BMPR2: variants seen among roughly 807,000 people sequenced by gnomAD.
BMPR2 encodes bone morphogenetic protein receptor type-2.
Under a neutral mutation model 100.8 loss-of-function variants are expected in BMPR2, and 29 were observed. The observed-to-expected ratio is 0.29, with a 90% CI of 0.21 to 0.39. The LOEUF is 0.39. BMPR2 is among the 10% of genes least tolerant of loss of function. The pLI is 1.00. For missense variants in BMPR2, 1,011 were observed against 1,274.5 expected, an observed-to-expected ratio of 0.79 and a Z score of 3.15; for synonymous variants, 382 against 442.3, an observed-to-expected ratio of 0.86 and a Z score of 1.71.
chr2:202,516,821 A>G (rs1161310194), intron 5 of BMPR2, among the ~76,000 whole-genome samples: 1 of 152,228 alleles, frequency 6.6e-6, no homozygotes, highest in East Asian at 1.9e-4. Flanking sequence ...TGAATTAACT[A>G]TATATTGATA....
intron 1 of BMPR2, among the ~76,000 whole-genome samples, chr2:202,422,041 T>C (rs752250218): frequency 6.6e-6 from 1 of 151,936 alleles, no homozygotes; most frequent in Non-Finnish European, 1.5e-5. Flanking sequence ...CCCAAGTAGC[T>C]GGGATAACAG....
chr2:202,393,336 A>G (rs368252817), intron 1 of BMPR2, among the ~76,000 whole-genome samples: 20 of 152,304 alleles, frequency 1.3e-4, no homozygotes, highest in East Asian at 1.2e-3. Context: ...CTGTCTTTCT[A>G]TCTCCACCCA....
chr2:202,528,620 G>T (rs997155645), intron 7 of BMPR2, among the ~76,000 whole-genome samples: 1 of 152,214 alleles, frequency 6.6e-6, no homozygotes, highest in East Asian at 1.9e-4. Flanking sequence ...TCTTAAATAT[G>T]CTCAGAACAC....
chr2:202,479,380 T>A (rs1692615207), intron 3 of BMPR2, among the ~76,000 whole-genome samples: 1 of 152,164 alleles, frequency 6.6e-6, no homozygotes, highest in African/African-American at 2.4e-5. Flanking sequence ...CTGATTACAG[T>A]CTTGTAAAAG....
At position 202,392,075 on chromosome 2, in the gene BMPR2, T is replaced by C. The variant is rs1325439968; in HGVS notation, c.76+14525T>C. Among the ~76,000 whole-genome samples the C allele has an allele frequency of 2.8e-5, 4 of 143,416 alleles. No homozygotes were observed. The East Asian group carries it at 8.0e-4, about 29-fold the overall frequency. The allele number at this position is 143,416 out of a possible 152,430, so 94.1% of individuals were successfully genotyped here. On this transcript the variant is annotated intron_variant, in intron 1 of 12. Coordinates refer to ENST00000374580, the MANE Select transcript of BMPR2 (RefSeq NM_001204.7). ...GCACCCAGCCTACAGTCTACACTCT[T>C]TTTTTTTTTTTTTGAAAGAAGTCTC...
chr2:202,405,841 AT>A (rs1304473026), intron 1 of BMPR2, among the ~76,000 whole-genome samples: 1 of 152,132 alleles, frequency 6.6e-6, no homozygotes, highest in Non-Finnish European at 1.5e-5. Flanking sequence ...AAAAATTAGA[AT>A]TTTAAATCAT....
intron 3 of BMPR2, among the ~76,000 whole-genome samples, chr2:202,497,745 T>C (rs948259739): frequency 2.0e-5 from 3 of 152,174 alleles, no homozygotes; most frequent in East Asian, 3.8e-4. Context: ...TCTCACCTCT[T>C]TTCTCTGAGG....
At chr2:202,475,525 A>G (rs1692529071) in intron 3 of BMPR2, among the ~76,000 whole-genome samples, 1 of 152,150 alleles carries the variant, frequency 6.6e-6, no homozygotes, top group African/African-American at 2.4e-5. Flanking sequence ...ACAAAATTCC[A>G]TTTACACATT....
At chr2:202,463,549 C>T (rs906824562) in intron 1 of BMPR2, among the ~76,000 whole-genome samples, 4 of 152,122 alleles carry the variant, frequency 2.6e-5, no homozygotes, top group African/African-American at 9.7e-5. Context: ...AAGTCAGAAG[C>T]CCCCAAGGAA....
chr2:202,519,843 A>C (rs1194110577), intron 6 of BMPR2, among the ~76,000 whole-genome samples: 1 of 152,192 alleles, frequency 6.6e-6, no homozygotes, highest in Non-Finnish European at 1.5e-5. Flanking sequence ...AATCATTCAT[A>C]ATTTTTAATA....
chr2:202,550,138 G>T (rs1242390944), intron 10 of BMPR2, among the ~76,000 whole-genome samples: 2 of 152,028 alleles, frequency 1.3e-5, no homozygotes, highest in Admixed American at 6.6e-5. Context: ...GGAAGGTTGA[G>T]GTGGGCGGAT....
At chr2:202,409,789 G>A (rs1690976026) in intron 1 of BMPR2, among the ~76,000 whole-genome samples, 2 of 152,242 alleles carry the variant, frequency 1.3e-5, no homozygotes, top group Admixed American at 1.3e-4. Flanking sequence ...TGCAAATATT[G>A]TGGTGTCATT....
At chr2:202,493,084 T>C (rs1692941450) in intron 3 of BMPR2, among the ~76,000 whole-genome samples, 1 of 152,236 alleles carries the variant, frequency 6.6e-6, no homozygotes, top group African/African-American at 2.4e-5. Flanking sequence ...GTTAGGAAAA[T>C]TGACGAGGGA....
rs1423992206 is a variant in BMPR2 at position 202,560,210 on chromosome 2, G to A, written c.*264G>A. 2.2e-6 allele frequency: 1 copy of A among 445,730 alleles called. No individual in the cohort carries two copies. Among genetic ancestry groups the A allele is most frequent in the Non-Finnish European group, 4.1e-6 (1 of 246,690 alleles). The allele number at this position is 445,730 out of a possible 1,614,324, so 27.6% of individuals were successfully genotyped here. ...GTCTGTTATGACCACAGAGTTATAT[G>A]TGTGTGTATCAAAAGTGGTCTCAAA... On this transcript the variant is annotated 3_prime_UTR_variant, in exon 13 of 13. Transcript: ENST00000374580.
intron 1 of BMPR2, among the ~76,000 whole-genome samples, chr2:202,425,808 CA>C (rs941338526): frequency 2.4e-4 from 36 of 152,028 alleles, no homozygotes; most frequent in African/African-American, 8.7e-4. Context: ...TAAAAGGGCA[CA>C]AAAACCAAAA....
At position 202,503,551 on chromosome 2, in the gene BMPR2, G is replaced by A. The variant is rs1687452872; in HGVS notation, c.419-10168G>A. Among the ~76,000 whole-genome samples the A allele has an allele frequency of 6.6e-6, 1 of 152,248 alleles. No individual in the cohort carries two copies. Among genetic ancestry groups the A allele is most frequent in the Non-Finnish European group, 1.5e-5 (1 of 68,044 alleles). On this transcript the variant is annotated intron_variant, in intron 3 of 12. Transcript: ENST00000374580. This position sits in a 1 kb window ranked among gnomAD's most constrained non-coding sequence, Gnocchi z 4.0. ...GGAGGGTGTACTGGGTCCCCCAGCA[G>A]TGCCAGCCCACCGGCGCTGCTCTCA...
chr2:202,499,262 G>T (rs1192462724), intron 3 of BMPR2, among the ~76,000 whole-genome samples: 8 of 152,226 alleles, frequency 5.3e-5, no homozygotes, highest in Non-Finnish European at 1.0e-4. Flanking sequence ...TTGGAGAGAT[G>T]TCATGCTACT....
intron 1 of BMPR2, among the ~76,000 whole-genome samples, chr2:202,388,266 G>A (rs1574421645): frequency 6.6e-6 from 1 of 151,698 alleles, no homozygotes; most frequent in South Asian, 2.1e-4. Flanking sequence ...GTGTGGTGGT[G>A]CATGCCTGTA....
intron 3 of BMPR2, among the ~76,000 whole-genome samples, chr2:202,480,094 C>G (rs1279828403): frequency 6.6e-6 from 1 of 151,786 alleles, no homozygotes; most frequent in Non-Finnish European, 1.5e-5. Context: ...TCTAATTTAT[C>G]TTTTTTTATT....
Sources: allele counts gnomAD v4.1 joint callset (sites outside exome capture counted in the v4.1 genomes callset), GRCh38; gene constraint gnomAD v4.1.1; non-coding constraint Gnocchi (gnomAD v3.1); transcripts MANE v1.5; gene names NCBI Gene and HGNC (gene_info 2026-07-23, HGNC 2026-07-21).